KRCC1: variants seen among roughly 807,000 people sequenced by gnomAD.
The protein encoded by KRCC1 is lysine-rich coiled-coil protein 1.
In KRCC1, 3 loss-of-function variants were observed where a neutral mutation model predicts 7.4. The observed-to-expected ratio is 0.40, with a 90% CI of 0.18 to 1.04. The LOEUF is 1.04. Ranked by LOEUF, KRCC1 falls within the 50% of genes least tolerant of loss-of-function variation. The probability of loss-of-function intolerance (pLI) is 0.33; values close to 1 mark genes in which losing one functional copy is unlikely to be tolerated. For missense variants in KRCC1, 277 were observed against 300.9 expected, an observed-to-expected ratio of 0.92 and a Z score of 0.59; for synonymous variants, 102 against 101.6, an observed-to-expected ratio of 1.00 and a Z score of -0.02.
At chr2:88,037,232 G>A (rs1020342901) in intron 1 of KRCC1, among the ~76,000 whole-genome samples, 181 bp from the exon 2 acceptor site, 5 of 152,064 alleles carry the variant, frequency 3.3e-5, no homozygotes, top group African/African-American at 1.2e-4. Flanking sequence ...TATTTAGTAA[G>A]ACTGTAATAT....
rs771968969 is a variant in KRCC1, at chr2:88,027,773, C to T, written c.*11G>A. 6.4e-7 allele frequency: 1 copy of T among 1,558,194 alleles called. No individual in the cohort carries two copies. Among genetic ancestry groups the T allele is most frequent in the East Asian group, 2.3e-5 (1 of 44,410 alleles). On this transcript the variant is annotated 3_prime_UTR_variant, in exon 4 of 4. Coordinates refer to ENST00000347055, the MANE Select transcript of KRCC1 (RefSeq NM_016618.3). Reference sequence around the variant, plus strand: ...TTCAATTTAACTTTGGGAGAACCAACTTTGAAAGCTTCAAAATCCAAGAAT... The same window carrying T: ...TTCAATTTAACTTTGGGAGAACCAATTTTGAAAGCTTCAAAATCCAAGAAT...
intron 3 of KRCC1, among the ~76,000 whole-genome samples, chr2:88,032,487 T>C (rs1366958713): frequency 6.6e-6 from 1 of 152,182 alleles, no homozygotes; most frequent in Non-Finnish European, 1.5e-5. Context: ...CCTGGGTGTG[T>C]AGTAAGTTAT....
intron 1 of KRCC1, among the ~76,000 whole-genome samples, chr2:88,039,787 G>C (rs973566918): frequency 1.3e-5 from 2 of 151,962 alleles, no homozygotes; most frequent in East Asian, 1.9e-4. Context: ...AAGGTAAAAA[G>C]GTTAATACAA....
intron 3 of KRCC1, among the ~76,000 whole-genome samples, chr2:88,032,445 G>A (rs929494286): frequency 4.6e-5 from 7 of 152,078 alleles, no homozygotes; most frequent in Admixed American, 1.3e-4. Flanking sequence ...GTACAGATTT[G>A]TAGCCTAGGA....
chr2:88,034,943 A>AT (rs756811683), intron 2 of KRCC1, among the ~76,000 whole-genome samples: 252 of 151,558 alleles, frequency 1.7e-3, no homozygotes, highest in Non-Finnish European at 2.7e-3. Context: ...TTTTTGAGCA[A>AT]TTTTTTTTTA....
At chr2:88,034,564 T>C (rs1161300045) in intron 2 of KRCC1, among the ~76,000 whole-genome samples, 2 of 152,212 alleles carry the variant, frequency 1.3e-5, no homozygotes, top group African/African-American at 4.8e-5. Flanking sequence ...ATGTATATAG[T>C]GTGGAATAAT....
chr2:88,028,312 C>A lies in KRCC1; in HGVS notation c.252G>T (p.Arg84=), dbSNP rs1346288582. The A allele has an allele frequency of 1.2e-6, 2 of 1,614,032 alleles. No individual in the cohort carries two copies. The highest frequency in any genetic ancestry group is 1.3e-5 in the African/African-American group (1 of 74,908). Residue 84 remains arginine, a synonymous_variant, in exon 4 of 4, where the codon CGG becomes CGT. Transcript: ENST00000347055. ...CATGGGCTGGTAACCACTGAGGCAA[C>A]CGATTTTCCACTGTTTGTGGAATAT... ...SCNIPQTVEN[R]LPQWLPAHDS... is the part of the protein sequence containing the mutation.
At chr2:88,029,044 G>A (rs1473200015) in intron 3 of KRCC1, among the ~76,000 whole-genome samples, 1 of 152,146 alleles carries the variant, frequency 6.6e-6, no homozygotes, top group Non-Finnish European at 1.5e-5. Context: ...GACATTATAT[G>A]CCAAAGGGTA....
intron 1 of KRCC1, among the ~76,000 whole-genome samples, chr2:88,048,223 C>T (rs1673387489): frequency 6.6e-6 from 1 of 151,996 alleles, no homozygotes; most frequent in Non-Finnish European, 1.5e-5. Context: ...GCTGGGATTA[C>T]AGGCGTGCGC....
intron 1 of KRCC1, among the ~76,000 whole-genome samples, chr2:88,045,414 C>T (rs759455251): frequency 2.0e-5 from 3 of 152,186 alleles, no homozygotes; most frequent in Non-Finnish European, 4.4e-5. Context: ...AACAGCAACA[C>T]ATGCAACACG....
At chr2:88,033,508 A>G (rs372377937) in intron 3 of KRCC1, among the ~76,000 whole-genome samples, 4 of 152,322 alleles carry the variant, frequency 2.6e-5, no homozygotes, top group African/African-American at 9.6e-5. Flanking sequence ...CCTGGGTGAC[A>G]GAGAGAGACT....
intron 1 of KRCC1, among the ~76,000 whole-genome samples, chr2:88,046,186 T>C (rs1673330023): frequency 6.6e-6 from 1 of 152,228 alleles, no homozygotes; most frequent in Non-Finnish European, 1.5e-5. Context: ...ACTGTAATAC[T>C]GTTACTTAGC....
At chr2:88,029,971 C>T (rs1672963370) in intron 3 of KRCC1, among the ~76,000 whole-genome samples, 1 of 150,970 alleles carries the variant, frequency 6.6e-6, no homozygotes, top group South Asian at 2.1e-4. Flanking sequence ...CCTCAGCCTC[C>T]TGAGTAGTTA....
intron 2 of KRCC1, among the ~76,000 whole-genome samples, chr2:88,034,714 C>A (rs932013017): frequency 6.6e-6 from 1 of 152,114 alleles, no homozygotes; most frequent in East Asian, 1.9e-4. Context: ...GAACTATAGT[C>A]ACCTTCTTGT....
At chr2:88,047,535 G>A (rs759179531) in intron 1 of KRCC1, among the ~76,000 whole-genome samples, 23 of 152,120 alleles carry the variant, frequency 1.5e-4, no homozygotes, top group Non-Finnish European at 3.2e-4. Flanking sequence ...AGCATAATAG[G>A]TTTGTGTTTT....
chr2:88,051,355 C>T (rs904397457), intron 1 of KRCC1, among the ~76,000 whole-genome samples: 6 of 152,106 alleles, frequency 3.9e-5, no homozygotes, highest in African/African-American at 7.2e-5. Flanking sequence ...ATGGTCCTAT[C>T]GGAATTTTGA....
chr2:88,053,558 G>T (rs947855178), intron 1 of KRCC1, among the ~76,000 whole-genome samples: 1 of 152,112 alleles, frequency 6.6e-6, no homozygotes, highest in African/African-American at 2.4e-5. Context: ...AATAATCCAG[G>T]CTGACTGAAG....
At chr2:88,037,414 C>A (rs1673113242) in intron 1 of KRCC1, among the ~76,000 whole-genome samples, 1 of 152,144 alleles carries the variant, frequency 6.6e-6, no homozygotes, top group Non-Finnish European at 1.5e-5. Context: ...ATTCTAGATA[C>A]ATCACCAATG....
At position 88,027,876 on chromosome 2, in the gene KRCC1, C is replaced by G; in HGVS notation, c.688G>C (p.Glu230Gln). The G allele has an allele frequency of 6.2e-7, 1 of 1,613,694 alleles. No homozygotes were observed. Among genetic ancestry groups the G allele is most frequent in the Non-Finnish European group, 8.5e-7 (1 of 1,179,984 alleles). ...TTCTTTTTTGTACGCTTACGTTCCT[C>G]TTTCTTAGAGACTACATCTCGGCTT... ...KKSRDVVSKK[E>Q]ERKRTKKKKE... is the part of the protein sequence containing the mutation. The change falls in exon 4 of 4, where the codon GAG becomes CAG. Residue 230 changes from glutamate (E) to glutamine (Q), a missense_variant. Coordinates refer to ENST00000347055, the MANE Select transcript of KRCC1 (RefSeq NM_016618.3).
Sources: allele counts gnomAD v4.1 joint callset (sites outside exome capture counted in the v4.1 genomes callset), GRCh38; gene constraint gnomAD v4.1.1; transcripts MANE v1.5; gene names NCBI Gene and HGNC (gene_info 2026-07-23, HGNC 2026-07-21).